Variants in MFSD12 observed in about 807,000 individuals in gnomAD.
MFSD12 encodes major facilitator superfamily domain-containing protein 12.
In MFSD12, 67 loss-of-function variants were observed where a neutral mutation model predicts 51.2. The ratio of observed to expected loss-of-function variants is 1.31; its 90% CI spans 1.08 to 1.60. MFSD12 has a LOEUF of 1.60. Among genes scored for constraint, MFSD12 ranks in the 40% most tolerant of loss-of-function variants. The probability of loss-of-function intolerance (pLI) is 0.00; values close to 1 mark genes in which losing one functional copy is unlikely to be tolerated. For synonymous variants in MFSD12, 441 were observed against 316.7 expected (o/e 1.39, Z -4.17); for missense variants, 921 against 673.0 (o/e 1.37, Z -4.08).
chr19:3,543,678 A>ACGGTGAGG (rs1850665318), downstream of MFSD12: 2 of 1,535,914 alleles, frequency 1.3e-6, no homozygotes, highest in African/African-American at 2.7e-5. Flanking sequence ...GGCAAGGAAT[A>ACGGTGAGG]CGGTGAGGCT....
chr19:3,546,362 C>T lies in MFSD12; in HGVS notation c.1087G>A (p.Gly363Arg). 6.2e-7 allele frequency: 1 copy of T among 1,607,798 alleles called. No homozygotes were observed. The highest frequency in any genetic ancestry group is 1.3e-5 in the African/African-American group (1 of 75,024). Residue 363 changes from glycine to arginine, a missense_variant, in exon 7 of 10, where the codon GGA becomes AGA. Gly to Arg is a moderately radical substitution (Grantham distance 125, BLOSUM62 -2). Transcript: ENST00000355415. ...GCTGCGTACACGGCCACACCCAGTC[C>T]CTCCGCCAGCGCCACCCAGGCGGCA... ...AFAAWVALAE[G>R]LGVAVYAAAV...
At chr19:3,556,553 GCA>G (rs2031732167) in intron 1 of MFSD12, among the ~76,000 whole-genome samples, 1 of 151,034 alleles carries the variant, frequency 6.6e-6, no homozygotes, top group Non-Finnish European at 1.5e-5. Flanking sequence ...GGGAGGCACT[GCA>G]CAGTCAGACA....
chr19:3,556,552 TGCACAGTCAGACAGATGGGGGAGGCACA>T (rs1486868756), intron 1 of MFSD12, among the ~76,000 whole-genome samples: 1 of 134,368 alleles, frequency 7.4e-6, no homozygotes, highest in African/African-American at 2.9e-5. Flanking sequence ...GGGGAGGCAC[TGCACAGTCAGACAGATGGGGGAGGCACA>T]GCACAGTCAG....
intron 2 of MFSD12, among the ~76,000 whole-genome samples, chr19:3,550,475 T>G (rs1378028717): frequency 6.6e-6 from 1 of 151,488 alleles, no homozygotes; most frequent in Non-Finnish European, 1.5e-5. Flanking sequence ...CACTGCAAGC[T>G]CCACCTCCCG....
intron 8 of MFSD12, among the ~76,000 whole-genome samples, chr19:3,545,726 C>T (rs918469490): frequency 1.3e-5 from 2 of 152,258 alleles, no homozygotes; most frequent in Non-Finnish European, 2.9e-5. Context: ...TGGGCCTCTA[C>T]AGGCGTGAAT....
chr19:3,546,472 A>C (rs773510750), intron 6 of MFSD12, 47 bp from the exon 7 acceptor site: 4 of 1,552,816 alleles, frequency 2.6e-6, no homozygotes, highest in Non-Finnish European at 3.5e-6. Context: ...GGGTGCCCCC[A>C]AGCCTGGCGC....
chr19:3,555,067 T>C (rs1180671934), intron 1 of MFSD12, among the ~76,000 whole-genome samples: 1 of 152,222 alleles, frequency 6.6e-6, no homozygotes, highest in Non-Finnish European at 1.5e-5. Flanking sequence ...TGGAAAAACA[T>C]AAAGCCTTCG....
intron 1 of MFSD12, among the ~76,000 whole-genome samples, chr19:3,556,666 T>G (rs1599844114): frequency 7.1e-6 from 1 of 140,020 alleles, no homozygotes. Context: ...GGCTCAGGAG[T>G]GACACCACAG....
chr19:3,551,737 T>C lies in MFSD12; in HGVS notation c.299-543A>G, dbSNP rs1255569922. Among the ~76,000 whole-genome samples the C allele has an allele frequency of 2.6e-5, 4 of 152,084 alleles. No homozygotes were observed. Among genetic ancestry groups the C allele is most frequent in the Non-Finnish European group, 5.9e-5 (4 of 67,996 alleles). On this transcript the variant is annotated intron_variant, in intron 1 of 9. Coordinates refer to ENST00000355415, the MANE Select transcript of MFSD12 (RefSeq NM_174983.5). The surrounding 1 kb of genome is among the most constrained non-coding windows in gnomAD (Gnocchi z 4.6). ...CTTCACATCCTCAGAAGAAAACCCCTAAGATACCCTGGAACAAATGTAAGA... is the reference window on the plus strand; with the variant it reads ...CTTCACATCCTCAGAAGAAAACCCCCAAGATACCCTGGAACAAATGTAAGA...
At chr19:3,546,012 C>G in intron 8 of MFSD12, 62 bp downstream of exon 8, 3 of 1,558,686 alleles carry the variant, frequency 1.9e-6, no homozygotes, top group Non-Finnish European at 1.8e-6. Context: ...GCTGGACACA[C>G]AGCAGGCGCT....
intron 6 of MFSD12, among the ~76,000 whole-genome samples, 170 bp downstream of exon 6, chr19:3,547,102 T>C (rs576788530): frequency 1.3e-5 from 2 of 152,096 alleles, no homozygotes; most frequent in African/African-American, 4.8e-5. Context: ...CCTCCCAAAG[T>C]GCTGGGATTA....
At chr19:3,543,799 G>T, downstream of MFSD12, 1 of 1,502,182 alleles carries the variant, frequency 6.7e-7, no homozygotes, top group Non-Finnish European at 8.9e-7. Context: ...AGGAGGTGGG[G>T]GCACATGGTG....
At chr19:3,540,993 ACC>A (rs1043084586), downstream of MFSD12, among the ~76,000 whole-genome samples, 2 of 150,986 alleles carry the variant, frequency 1.3e-5, no homozygotes, top group Non-Finnish European at 2.9e-5. Flanking sequence ...AGGTAGTGAA[ACC>A]CCATCTGTAC....
downstream of MFSD12, chr19:3,540,117 A>T: frequency 8.0e-6 from 1 of 124,712 alleles, no homozygotes. Context: ...TTTTTTTGAG[A>T]CAGTCTCATA....
At position 3,544,368 on chromosome 19, in the gene MFSD12, G is replaced by A. The variant is rs1038309860; in HGVS notation, c.*342C>T. 8.6e-6 allele frequency: 11 copies of A among 1,280,482 alleles called. No individual in the cohort carries two copies. Among genetic ancestry groups the A allele is most frequent in the Admixed American group, 3.7e-5 (1 of 26,872 alleles). 79.3% of individuals were successfully genotyped at this position (1,280,482 alleles called of 1,614,324 possible). ...GTGTCTGGAGACCCCCAGGCTGGAGGTGAGGGGTGAACTGGACTGAGCTCA... is the reference window on the plus strand; with the variant it reads ...GTGTCTGGAGACCCCCAGGCTGGAGATGAGGGGTGAACTGGACTGAGCTCA... On this transcript the variant is annotated 3_prime_UTR_variant, in exon 10 of 10. Coordinates refer to ENST00000355415, the MANE Select transcript of MFSD12 (RefSeq NM_174983.5).
At position 3,557,503 on chromosome 19, in the gene MFSD12, C is replaced by T; in HGVS notation, c.-100G>A. On this transcript the variant is annotated 5_prime_UTR_variant, in exon 1 of 10. Transcript: ENST00000355415. ...GGGGGCAGGCGCCGGGGACCCCCACCACGCGCCGGGCACCCCGCGTCCCGC... is the reference window on the plus strand; with the variant it reads ...GGGGGCAGGCGCCGGGGACCCCCACTACGCGCCGGGCACCCCGCGTCCCGC... 2 of 726,598 alleles carry T rather than the reference C, an allele frequency of 2.8e-6. No individual in the cohort carries two copies. Among genetic ancestry groups the T allele is most frequent in the East Asian group, 5.9e-5 (1 of 17,024 alleles). The allele number at this position is 726,598 out of a possible 1,614,324, so 45.0% of individuals were successfully genotyped here.
At chr19:3,550,552 C>T (rs946267086) in intron 2 of MFSD12, among the ~76,000 whole-genome samples, 4 of 152,060 alleles carry the variant, frequency 2.6e-5, no homozygotes, top group African/African-American at 4.8e-5. Context: ...CCACCGCGCC[C>T]GGCTAATTTT....
At chr19:3,542,616 G>A, downstream of MFSD12, 1 of 755,036 alleles carries the variant, frequency 1.3e-6, no homozygotes, top group Non-Finnish European at 1.6e-6. Context: ...TGGGATTACA[G>A]GTGCCCCCCG....
Position 3,546,493 on chromosome 19 carries a change from CACCCCT to C in MFSD12, c.1024-74_1024-69del, listed in dbSNP as rs2145190414. 3.3e-6 allele frequency: 5 copies of C among 1,507,344 alleles called. No individual in the cohort carries two copies. The East Asian group carries it at 1.2e-4, about 37-fold the overall frequency. 93.4% of individuals were successfully genotyped at this position (1,507,344 alleles called of 1,614,324 possible). A position where few individuals can be genotyped will look rare whatever the true frequency, so the allele number is the denominator to read the frequency against. ...CCCCAAGCCTGGCGCTTCAATCCGCCACCCCTACCCCCAACCCCAGCAAACAAGGCA... is the reference window on the plus strand; with the variant it reads ...CCCCAAGCCTGGCGCTTCAATCCGCCACCCCCAACCCCAGCAAACAAGGCA... On this transcript the variant is annotated intron_variant, in intron 6 of 9. Coordinates refer to ENST00000355415, the MANE Select transcript of MFSD12 (RefSeq NM_174983.5).
Sources: gnomAD v4.1 joint callset for allele counts (sites outside exome capture counted in the v4.1 genomes callset) on GRCh38, gnomAD v4.1.1 for gene constraint, Gnocchi (gnomAD v3.1) non-coding constraint, MANE v1.5 for transcripts, NCBI Gene and HGNC (gene_info 2026-07-23, HGNC 2026-07-21) for gene names.